Variants in MAPKAP1 observed in about 807,000 individuals in gnomAD.
The protein encoded by MAPKAP1 is target of rapamycin complex 2 subunit MAPKAP1.
In MAPKAP1, 20 loss-of-function variants were observed where a neutral mutation model predicts 65.7. The ratio of observed to expected loss-of-function variants is 0.30; its 90% CI spans 0.21 to 0.44. MAPKAP1 has a LOEUF of 0.44. MAPKAP1 is among the 20% of genes least tolerant of loss of function. The pLI, the probability that MAPKAP1 is intolerant of heterozygous loss-of-function variation, is 1.00. For missense variants in MAPKAP1, 423 were observed against 648.0 expected, an observed-to-expected ratio of 0.65 and a Z score of 3.77; for synonymous variants, 222 against 244.3, an observed-to-expected ratio of 0.91 and a Z score of 0.85.
At position 125,545,231 on chromosome 9, in the gene MAPKAP1, A is replaced by G. The variant is rs141747355; in HGVS notation, c.849-2063T>C. ...TTACTGATCAAAGCAAAATAAGAAA[A>G]AGCTCTTTTTAAAAAACTATATTTA... On this transcript the variant is annotated intron_variant, in intron 6 of 11. Coordinates refer to ENST00000265960, the MANE Select transcript of MAPKAP1 (RefSeq NM_001006617.3). Among the ~76,000 whole-genome samples, 601 of 152,330 alleles carry G rather than the reference A, an allele frequency of 3.9e-3. 4 individuals carry two copies. The highest frequency in any genetic ancestry group is 6.9e-3 in the Non-Finnish European group (466 of 68,022).
chr9:125,559,952 C>G (rs1830844502), intron 5 of MAPKAP1, 143 bp from the exon 6 acceptor site: 2 of 742,182 alleles, frequency 2.7e-6, no homozygotes, highest in African/African-American at 1.8e-5. Flanking sequence ...ATCCCAAATC[C>G]TACTTCATTT....
intron 5 of MAPKAP1, among the ~76,000 whole-genome samples, chr9:125,561,317 G>A (rs566102543): frequency 1.3e-5 from 2 of 152,214 alleles, no homozygotes; most frequent in African/African-American, 2.4e-5. Context: ...TACTTCAGGC[G>A]ATCTATACTC....
intron 7 of MAPKAP1, among the ~76,000 whole-genome samples, chr9:125,522,612 G>A (rs548307238): frequency 3.9e-4 from 59 of 152,276 alleles, no homozygotes; most frequent in African/African-American, 1.4e-3. Context: ...CACTCAGGCC[G>A]CAGTAATGGT....
At chr9:125,582,667 A>G (rs1194717172) in intron 5 of MAPKAP1, among the ~76,000 whole-genome samples, 2 of 152,192 alleles carry the variant, frequency 1.3e-5, no homozygotes, top group East Asian at 3.8e-4. Flanking sequence ...ACACAACTTT[A>G]AATGAGCCAC....
chr9:125,600,198 C>A, intron 4 of MAPKAP1, among the ~76,000 whole-genome samples: 1 of 145,164 alleles, frequency 6.9e-6, no homozygotes, highest in Non-Finnish European at 1.5e-5. Context: ...TTTCATAAAA[C>A]ATGGGGGGAA....
chr9:125,706,639 T>G (rs1311962083), intron 1 of MAPKAP1, among the ~76,000 whole-genome samples: 1 of 152,014 alleles, frequency 6.6e-6, no homozygotes, highest in African/African-American at 2.4e-5. Context: ...CAGTCAATGC[T>G]TGAAAACCTT....
At chr9:125,561,242 T>G (rs1830884057) in intron 5 of MAPKAP1, among the ~76,000 whole-genome samples, 1 of 152,348 alleles carries the variant, frequency 6.6e-6, no homozygotes, top group African/African-American at 2.4e-5. Context: ...CTACCTGACT[T>G]GCAATTTTCC....
chr9:125,583,328 C>A (rs1478403345), intron 5 of MAPKAP1, among the ~76,000 whole-genome samples: 1 of 152,154 alleles, frequency 6.6e-6, no homozygotes, highest in African/African-American at 2.4e-5. Flanking sequence ...CCATTTTCAC[C>A]CCCAAATGTG....
chr9:125,544,542 C>T (rs1226257619), intron 6 of MAPKAP1, among the ~76,000 whole-genome samples: 4 of 152,200 alleles, frequency 2.6e-5, no homozygotes, highest in African/African-American at 7.2e-5. Flanking sequence ...TGAGGTATAA[C>T]TTCACCAAGA....
In MAPKAP1 at chr9:125,654,894, A is replaced by T. The variant is rs146982049; in HGVS notation, c.498+2757T>A. 1.6e-4 allele frequency among the ~76,000 whole-genome samples: 24 copies of T among 152,318 alleles called. No homozygotes were observed. The East Asian group carries it at 4.2e-3, about 27-fold the overall frequency. Reference sequence around the variant, plus strand: ...TTCACAGCAGTTAGTCTCTTGAGGCAATACATAATTAAGTAGTTTTTTAGC... The same window carrying T: ...TTCACAGCAGTTAGTCTCTTGAGGCTATACATAATTAAGTAGTTTTTTAGC... On this transcript the variant is annotated intron_variant, in intron 4 of 11. Coordinates refer to ENST00000265960, the MANE Select transcript of MAPKAP1 (RefSeq NM_001006617.3).
chr9:125,688,285 C>T (rs2131839850), intron 1 of MAPKAP1, among the ~76,000 whole-genome samples: 1 of 152,218 alleles, frequency 6.6e-6, no homozygotes, highest in Non-Finnish European at 1.5e-5. Flanking sequence ...ATTACAGCCA[C>T]CCACCACCAC....
chr9:125,546,260 G>A (rs545956342), intron 6 of MAPKAP1, among the ~76,000 whole-genome samples: 5 of 152,354 alleles, frequency 3.3e-5, no homozygotes, highest in Admixed American at 3.3e-4. Context: ...AAAGGAGAAA[G>A]AGGTTCTGCC....
At chr9:125,599,155 T>C (rs891116424) in intron 4 of MAPKAP1, among the ~76,000 whole-genome samples, 1 of 152,104 alleles carries the variant, frequency 6.6e-6, no homozygotes, top group Non-Finnish European at 1.5e-5. Flanking sequence ...TTTATATCAA[T>C]AGACTTAAAA....
At chr9:125,455,062 T>A (rs1853115021) in intron 10 of MAPKAP1, among the ~76,000 whole-genome samples, 1 of 151,226 alleles carries the variant, frequency 6.6e-6, no homozygotes, top group African/African-American at 2.4e-5. Context: ...AAAACAAAAA[T>A]AAAAAAAATG....
At chr9:125,552,622 T>C (rs1469414930) in intron 6 of MAPKAP1, among the ~76,000 whole-genome samples, 1 of 152,176 alleles carries the variant, frequency 6.6e-6, no homozygotes. Context: ...GTGTAAATTA[T>C]TCCCACTGAG....
intron 6 of MAPKAP1, among the ~76,000 whole-genome samples, chr9:125,545,899 A>AT (rs1830407973): frequency 6.6e-6 from 1 of 152,124 alleles, no homozygotes; most frequent in African/African-American, 2.4e-5. Flanking sequence ...TACCTTCTGT[A>AT]TTTTTTCATT....
chr9:125,705,117 T>C (rs1701867389), intron 1 of MAPKAP1, among the ~76,000 whole-genome samples: 1 of 152,234 alleles, frequency 6.6e-6, no homozygotes, highest in South Asian at 2.1e-4. Flanking sequence ...AAAAGATTTC[T>C]GTACCATTCA....
At chr9:125,627,348 T>C (rs1490063908) in intron 4 of MAPKAP1, among the ~76,000 whole-genome samples, 1 of 152,258 alleles carries the variant, frequency 6.6e-6, no homozygotes, top group African/African-American at 2.4e-5. Flanking sequence ...TTAAAGTTTT[T>C]ATGTAAAAAT....
At chr9:125,638,624 T>G (rs1833491245) in intron 4 of MAPKAP1, among the ~76,000 whole-genome samples, 1 of 152,184 alleles carries the variant, frequency 6.6e-6, no homozygotes, top group East Asian at 1.9e-4. Context: ...ACAAATTACC[T>G]CGATCTGCCC....
Sources: allele counts gnomAD v4.1 joint callset (sites outside exome capture counted in the v4.1 genomes callset), GRCh38; gene constraint gnomAD v4.1.1; transcripts MANE v1.5; gene names NCBI Gene and HGNC (gene_info 2026-07-23, HGNC 2026-07-21).